PDZD2: variants seen among roughly 807,000 people sequenced by gnomAD.
The protein encoded by PDZD2 is PDZ domain containing 2.
Under a neutral mutation model 220.7 loss-of-function variants are expected in PDZD2, and 90 were observed. The ratio of observed to expected loss-of-function variants is 0.41; its 90% CI spans 0.34 to 0.49. The LOEUF is 0.49. Ranked by LOEUF, PDZD2 falls within the 20% of genes least tolerant of loss-of-function variation. The probability of loss-of-function intolerance (pLI) is 0.28; values close to 1 mark genes in which losing one functional copy is unlikely to be tolerated. For synonymous variants in PDZD2, 1,375 were observed against 1,450.5 expected (o/e 0.95, Z 1.18); for missense variants, 3,174 against 3,608.5 (o/e 0.88, Z 3.08).
rs141642260 is a variant in PDZD2, at chr5:32,008,979, C to T, written c.1255-1351C>T. ...CCAAAGGGTTTGGAAGGCAGTATGGCATCAGAGTGGGTTGGTGGGGAGACA... is the reference window on the plus strand; with the variant it reads ...CCAAAGGGTTTGGAAGGCAGTATGGTATCAGAGTGGGTTGGTGGGGAGACA... On this transcript the variant is annotated intron_variant, in intron 5 of 24. Coordinates refer to ENST00000438447, the MANE Select transcript of PDZD2 (RefSeq NM_178140.4). Among the ~76,000 whole-genome samples the T allele has an allele frequency of 1.7e-3, 253 of 151,994 alleles. 1 individual carries two copies. The highest frequency in any genetic ancestry group is 5.6e-3 in the African/African-American group (232 of 41,436).
chr5:31,869,833 G>A (rs1224729594), intron 2 of PDZD2, among the ~76,000 whole-genome samples: 1 of 152,158 alleles, frequency 6.6e-6, no homozygotes, highest in African/African-American at 2.4e-5. Flanking sequence ...CCTGCTGTCG[G>A]CTCGGGCATC....
chr5:31,829,265 T>C (rs1756405043), intron 2 of PDZD2, among the ~76,000 whole-genome samples: 3 of 152,160 alleles, frequency 2.0e-5, no homozygotes, highest in African/African-American at 7.2e-5. Context: ...GAAGGGCTTT[T>C]TCCAGTAAAC....
chr5:32,009,213 G>T (rs1397879348), intron 5 of PDZD2, among the ~76,000 whole-genome samples: 1 of 151,932 alleles, frequency 6.6e-6, no homozygotes, highest in Admixed American at 6.6e-5. Context: ...GCATGGTGGC[G>T]TGTGCCTGTA....
rs1283486674 is a variant in PDZD2, at chr5:32,003,384, CCCACACACA to C, written c.1254+3124_1254+3132del. Among the ~76,000 whole-genome samples, 6 of 81,256 alleles carry C rather than the reference CCCACACACA, an allele frequency of 7.4e-5. No homozygotes were observed. The East Asian group carries it at 2.2e-3, about 30-fold the overall frequency. 53.3% of individuals were successfully genotyped at this position (81,256 alleles called of 152,430 possible). On this transcript the variant is annotated intron_variant, in intron 5 of 24. Transcript: ENST00000438447. ...ACACCACACACACACCACACACACACCCACACACACCACACACACACTCCTCCACACACA... is the reference window on the plus strand; with the variant it reads ...ACACCACACACACACCACACACACACCCACACACACACTCCTCCACACACA...
At chr5:32,036,198 C>T (rs1023972768) in intron 6 of PDZD2, among the ~76,000 whole-genome samples, 1 of 152,194 alleles carries the variant, frequency 6.6e-6, no homozygotes, top group Non-Finnish European at 1.5e-5. Flanking sequence ...GATCTCCTGA[C>T]CTCGTGATCC....
At chr5:31,796,843 C>T (rs1296060355) in intron 1 of PDZD2, among the ~76,000 whole-genome samples, 1 of 152,090 alleles carries the variant, frequency 6.6e-6, no homozygotes, top group Admixed American at 6.5e-5. Flanking sequence ...TCCTACTACT[C>T]TTCAGTTTGG....
chr5:31,891,642 G>T (rs556274281), intron 2 of PDZD2, among the ~76,000 whole-genome samples: 1 of 128,198 alleles, frequency 7.8e-6, no homozygotes, highest in East Asian at 2.3e-4. Context: ...GGGCACTGGA[G>T]AAGTGGCATT....
At chr5:31,832,910 T>G (rs1395379609) in intron 2 of PDZD2, among the ~76,000 whole-genome samples, 2 of 152,108 alleles carry the variant, frequency 1.3e-5, no homozygotes, top group Non-Finnish European at 2.9e-5. Context: ...GAGGAAAAGT[T>G]TGGGGTCACA....
chr5:31,952,218 C>T (rs1747243014), intron 2 of PDZD2, among the ~76,000 whole-genome samples: 1 of 152,042 alleles, frequency 6.6e-6, no homozygotes, highest in South Asian at 2.1e-4. Flanking sequence ...GATATCCATG[C>T]CAAGAGATAC....
intron 1 of PDZD2, among the ~76,000 whole-genome samples, chr5:31,649,937 CAAAAAAAAAAAAAAAA>C (rs6148975): frequency 1.4e-5 from 1 of 73,516 alleles, no homozygotes; most frequent in Non-Finnish European, 2.4e-5. Flanking sequence ...GACTCCGTCT[CAAAAAAAAAAAAAAAA>C]AAAAAAAAAA....
chr5:31,908,567 C>A, intron 2 of PDZD2: 1 of 971,190 alleles, frequency 1.0e-6, no homozygotes, highest in Non-Finnish European at 1.6e-6. Context: ...GGTGTTGATA[C>A]TGTCATGAAC....
intron 1 of PDZD2, among the ~76,000 whole-genome samples, chr5:31,755,576 C>T (rs1264426029): frequency 6.6e-6 from 1 of 151,182 alleles, no homozygotes; most frequent in Non-Finnish European, 1.5e-5. Flanking sequence ...CGTTAGCTAT[C>T]TAGATCACTT....
At chr5:31,936,066 A>G in intron 2 of PDZD2, 1 of 987,016 alleles carries the variant, frequency 1.0e-6, no homozygotes, top group African/African-American at 1.7e-5. Flanking sequence ...TAAATGAAAA[A>G]TGATCTGAGT....
At chr5:31,947,911 G>A (rs1561160173) in intron 2 of PDZD2, among the ~76,000 whole-genome samples, 1 of 151,848 alleles carries the variant, frequency 6.6e-6, no homozygotes, top group Admixed American at 6.6e-5. Context: ...AAGGCCAAGC[G>A]AACAATGTAT....
intron 2 of PDZD2, among the ~76,000 whole-genome samples, chr5:31,952,910 T>C (rs180681051): frequency 2.6e-4 from 40 of 151,806 alleles, no homozygotes; most frequent in Middle Eastern, 3.4e-3. Context: ...AATACAAAAT[T>C]AGCCAGGTGT....
At chr5:32,009,331 A>T (rs1480778886) in intron 5 of PDZD2, among the ~76,000 whole-genome samples, 1 of 133,556 alleles carries the variant, frequency 7.5e-6, no homozygotes, top group East Asian at 2.0e-4. Context: ...CAACAGAGCG[A>T]GACTCTTGTC....
chr5:31,943,524 T>G (rs1427967476), intron 2 of PDZD2, among the ~76,000 whole-genome samples: 1 of 152,182 alleles, frequency 6.6e-6, no homozygotes, highest in East Asian at 1.9e-4. Context: ...GAATGTAACA[T>G]GGGAATGTAC....
At chr5:31,864,988 A>G (rs1738076577) in intron 2 of PDZD2, among the ~76,000 whole-genome samples, 1 of 150,678 alleles carries the variant, frequency 6.6e-6, no homozygotes, top group African/African-American at 2.4e-5. Flanking sequence ...AGCTGGGACT[A>G]CAGGCGCCCG....
chr5:31,820,245 C>CA (rs1275890475), intron 2 of PDZD2, among the ~76,000 whole-genome samples: 1 of 152,204 alleles, frequency 6.6e-6, no homozygotes, highest in Admixed American at 6.5e-5. Context: ...AATTCCATCC[C>CA]ACTCCTCAGC....
Sources: allele counts gnomAD v4.1 joint callset (sites outside exome capture counted in the v4.1 genomes callset), GRCh38; gene constraint gnomAD v4.1.1; transcripts MANE v1.5; gene names NCBI Gene and HGNC (gene_info 2026-07-23, HGNC 2026-07-21).